The following FHIT variants were observed in gnomAD, a reference collection of about 807,000 sequenced individuals.
FHIT encodes the protein bis(5'-adenosyl)-triphosphatase.
In FHIT, 19 loss-of-function variants were observed where a neutral mutation model predicts 17.9. The observed-to-expected ratio is 1.06, with a 90% CI of 0.74 to 1.56. The LOEUF (loss-of-function observed/expected upper bound fraction) is 1.56. Among genes scored for constraint, FHIT ranks in the 40% most tolerant of loss-of-function variants. The pLI, the probability that FHIT is intolerant of heterozygous loss-of-function variation, is 0.00. For synonymous variants in FHIT, 81 were observed against 69.7 expected, an observed-to-expected ratio of 1.16 and a Z score of -0.81; for missense variants, 248 against 189.2, an observed-to-expected ratio of 1.31 and a Z score of -1.82.
intron 5 of FHIT, among the ~76,000 whole-genome samples, chr3:60,130,984 CAT>C (rs1453774563): frequency 1.1e-5 from 1 of 90,108 alleles, no homozygotes. Context: ...TATATATACA[CAT>C]ATATACACAT....
Position 60,210,883 on chromosome 3 carries a change from G to A in FHIT, c.104-196731C>T, listed in dbSNP as rs570979873. ...ACATATGTATTTATCCTTTGACACAGAATTGCACTTCTGGGAGTCTATCCA... is the reference window on the plus strand; with the variant it reads ...ACATATGTATTTATCCTTTGACACAAAATTGCACTTCTGGGAGTCTATCCA... On this transcript the variant is annotated intron_variant, in intron 5 of 9. Coordinates refer to ENST00000492590, the MANE Select transcript of FHIT (RefSeq NM_002012.4). Among the ~76,000 whole-genome samples the A allele has an allele frequency of 1.8e-3, 279 of 152,130 alleles. 1 individual carries two copies. Among genetic ancestry groups the A allele is most frequent in the Middle Eastern group, 3.4e-3 (1 of 294 alleles).
chr3:59,901,272 GTTGATCCTTCCTACCTGTGGGACC>G (rs1291857213), intron 8 of FHIT, among the ~76,000 whole-genome samples: 4 of 152,208 alleles, frequency 2.6e-5, no homozygotes, highest in Non-Finnish European at 4.4e-5. Flanking sequence ...TTCAGCTTTA[GTTGATCCTTCCTACCTGTGGGACC>G]TTGGGTAAAT....
chr3:60,406,401 G>T (rs1243617643), intron 5 of FHIT, among the ~76,000 whole-genome samples: 1 of 152,082 alleles, frequency 6.6e-6, no homozygotes, highest in Non-Finnish European at 1.5e-5. Flanking sequence ...ATCAAACAAG[G>T]CGTGGCTGAA....
At chr3:59,791,083 T>G (rs1699536736) in intron 8 of FHIT, among the ~76,000 whole-genome samples, 1 of 152,216 alleles carries the variant, frequency 6.6e-6, no homozygotes, top group African/African-American at 2.4e-5. Context: ...GTGTGTTGTT[T>G]CTTTTGCTTC....
chr3:61,015,278 T>A (rs1451888375), intron 3 of FHIT, among the ~76,000 whole-genome samples: 1 of 152,158 alleles, frequency 6.6e-6, no homozygotes, highest in Non-Finnish European at 1.5e-5. Context: ...AAGGGGGATT[T>A]TTTTTTATCC....
chr3:61,179,721 A>C (rs1179634129), intron 2 of FHIT, among the ~76,000 whole-genome samples: 2 of 150,168 alleles, frequency 1.3e-5, no homozygotes, highest in Non-Finnish European at 3.0e-5. Flanking sequence ...AAAAAAAAAA[A>C]AAAAAAAAAA....
intron 2 of FHIT, among the ~76,000 whole-genome samples, chr3:61,124,878 C>T (rs2036564269): frequency 6.6e-6 from 1 of 152,062 alleles, no homozygotes; most frequent in South Asian, 2.1e-4. Context: ...TAGTGTTTTC[C>T]ATTTGCCAGC....
chr3:60,129,719 T>C (rs1699452165), intron 5 of FHIT, among the ~76,000 whole-genome samples: 1 of 152,208 alleles, frequency 6.6e-6, no homozygotes, highest in Admixed American at 6.5e-5. Context: ...ACATCTGTTT[T>C]GTTATCAAGT....
intron 7 of FHIT, among the ~76,000 whole-genome samples, chr3:59,997,521 A>G (rs1699563238): frequency 6.6e-6 from 1 of 152,222 alleles, no homozygotes; most frequent in Non-Finnish European, 1.5e-5. Flanking sequence ...TTTATATGTT[A>G]AAAGCACTAA....
intron 5 of FHIT, among the ~76,000 whole-genome samples, chr3:60,215,769 C>T (rs1703669491): frequency 6.6e-6 from 1 of 152,142 alleles, no homozygotes; most frequent in Admixed American, 6.5e-5. Context: ...ACTTATTCTA[C>T]ATAATTACTC....
At position 60,386,458 on chromosome 3, in the gene FHIT, T is replaced by C. The variant is rs147933776; in HGVS notation, c.103+150402A>G. On this transcript the variant is annotated intron_variant, in intron 5 of 9. Coordinates refer to ENST00000492590, the MANE Select transcript of FHIT (RefSeq NM_002012.4). The stretch of plus-strand genomic sequence containing the variant: ...ATATCTATAAAAACATCCATGGTTA[T>C]TGCACCATCCACTTGTTCCTCTTCC... 1.9e-3 allele frequency among the ~76,000 whole-genome samples: 285 copies of C among 152,306 alleles called. 2 individuals carry two copies. Among genetic ancestry groups the C allele is most frequent in the Non-Finnish European group, 3.6e-3 (246 of 68,018 alleles).
At chr3:60,036,356 C>T (rs994503757) in intron 5 of FHIT, among the ~76,000 whole-genome samples, 1 of 152,100 alleles carries the variant, frequency 6.6e-6, no homozygotes, top group Non-Finnish European at 1.5e-5. Context: ...TATTTTACCT[C>T]ATAAGACTCT....
At chr3:60,872,088 T>C (rs1553755159) in intron 3 of FHIT, among the ~76,000 whole-genome samples, 1 of 152,122 alleles carries the variant, frequency 6.6e-6, no homozygotes, top group African/African-American at 2.4e-5. Context: ...ATGAATTCAG[T>C]AGGAATTGCA....
chr3:61,134,579 T>G lies in FHIT; in HGVS notation c.-164+66038A>C, dbSNP rs530086478. Among the ~76,000 whole-genome samples, 16 of 152,202 alleles carry G rather than the reference T, an allele frequency of 1.1e-4. No individual in the cohort carries two copies. In the South Asian group the frequency reaches 3.1e-3, roughly 30 times the overall value. On this transcript the variant is annotated intron_variant, in intron 2 of 9. Transcript: ENST00000492590. The stretch of plus-strand genomic sequence containing the variant: ...GCTAAAGATTATATGGGCAGAGTCC[T>G]AGAAGTATCAAGAAGACAGAAAATT...
At chr3:60,789,944 C>A (rs1306081573) in intron 4 of FHIT, among the ~76,000 whole-genome samples, 4 of 152,140 alleles carry the variant, frequency 2.6e-5, no homozygotes, top group African/African-American at 9.7e-5. Context: ...TCACAGTTTT[C>A]CCAGAAGTGT....
At chr3:60,506,954 G>C (rs1483489091) in intron 5 of FHIT, among the ~76,000 whole-genome samples, 2 of 152,142 alleles carry the variant, frequency 1.3e-5, no homozygotes, top group Non-Finnish European at 2.9e-5. Flanking sequence ...TTGTGATTTA[G>C]TGTGTGTAAA....
intron 2 of FHIT, among the ~76,000 whole-genome samples, chr3:61,062,522 C>CA (rs2034463527): frequency 6.6e-6 from 1 of 151,954 alleles, no homozygotes; most frequent in Non-Finnish European, 1.5e-5. Flanking sequence ...AAACCTAGAC[C>CA]AAAAAATAAG....
intron 5 of FHIT, among the ~76,000 whole-genome samples, chr3:60,384,084 A>G (rs1236473082): frequency 1.3e-5 from 2 of 152,080 alleles, no homozygotes; most frequent in African/African-American, 4.8e-5. Context: ...CTTGGCCATC[A>G]TGGTGAAACC....
chr3:60,311,021 G>T (rs1292618750), intron 5 of FHIT, among the ~76,000 whole-genome samples: 1 of 152,034 alleles, frequency 6.6e-6, no homozygotes, highest in Non-Finnish European at 1.5e-5. Context: ...TTCAGTAAAT[G>T]GAGCATTGGT....
Sources: allele counts gnomAD v4.1 joint callset (sites outside exome capture counted in the v4.1 genomes callset), GRCh38; gene constraint gnomAD v4.1.1; transcripts MANE v1.5; gene names NCBI Gene and HGNC (gene_info 2026-07-23, HGNC 2026-07-21).